ERBB4: variants seen among roughly 807,000 people sequenced by gnomAD.
ERBB4 encodes the protein erb-b2 receptor tyrosine kinase 4, also known as receptor tyrosine-protein kinase erbB-4.
In ERBB4, 42 loss-of-function variants were observed where a neutral mutation model predicts 158.0. The ratio of observed to expected loss-of-function variants is 0.27; its 90% CI spans 0.21 to 0.34. The LOEUF (loss-of-function observed/expected upper bound fraction) is 0.34. Among genes scored for constraint, ERBB4 ranks in the 10% least tolerant of loss-of-function variants. ERBB4 has a pLI of 1.00. For synonymous variants in ERBB4, 583 were observed against 558.7 expected (o/e 1.04, Z -0.61); for missense variants, 1,333 against 1,624.1 (o/e 0.82, Z 3.08).
At chr2:211,901,903 C>T (rs889139255) in intron 3 of ERBB4, among the ~76,000 whole-genome samples, 1 of 152,052 alleles carries the variant, frequency 6.6e-6, no homozygotes, top group African/African-American at 2.4e-5. Context: ...TAAAAAATTG[C>T]AACTCCTTAG....
At chr2:211,612,039 G>T (rs2069220353) in intron 19 of ERBB4, among the ~76,000 whole-genome samples, 1 of 152,074 alleles carries the variant, frequency 6.6e-6, no homozygotes, top group African/African-American at 2.4e-5. Context: ...TGTTTCATCT[G>T]GCACTCTAAA....
intron 20 of ERBB4, among the ~76,000 whole-genome samples, chr2:211,486,007 T>C (rs1412506203): frequency 1.3e-5 from 2 of 152,168 alleles, no homozygotes; most frequent in African/African-American, 4.8e-5. Flanking sequence ...CAGTTGTTTT[T>C]ATATTTATGT....
In ERBB4 at chr2:211,424,785, T is replaced by C. The variant is rs528707462; in HGVS notation, c.2720-484A>G. ...TACCTTATGTTACAATAAAGAATTG[T>C]GACTCTCTCTAACTTACACAAAGAA... On this transcript the variant is annotated intron_variant, in intron 22 of 27. Transcript: ENST00000342788. Among the ~76,000 whole-genome samples, 6 of 151,060 alleles carry C rather than the reference T, an allele frequency of 4.0e-5. No homozygotes were observed. The East Asian group carries it at 1.2e-3, about 29-fold the overall frequency.
intron 2 of ERBB4, among the ~76,000 whole-genome samples, chr2:212,115,636 T>G (rs758675243): frequency 6.6e-6 from 1 of 152,100 alleles, no homozygotes; most frequent in East Asian, 1.9e-4. Flanking sequence ...TAGAGTAAAA[T>G]GGATTTGTTA....
chr2:211,592,171 T>C (rs1252472752), intron 19 of ERBB4, among the ~76,000 whole-genome samples: 2 of 129,632 alleles, frequency 1.5e-5, no homozygotes, highest in African/African-American at 5.3e-5. Flanking sequence ...TACAAGCTGC[T>C]AGACGCCCGG....
intron 1 of ERBB4, among the ~76,000 whole-genome samples, chr2:212,407,495 T>C (rs1027278740): frequency 6.6e-5 from 10 of 152,212 alleles, no homozygotes; most frequent in African/African-American, 2.4e-4. Flanking sequence ...AGCCAGGGTT[T>C]GATCCCAAGC....
At chr2:211,746,393 T>G (rs1053955201) in intron 5 of ERBB4, among the ~76,000 whole-genome samples, 1 of 152,230 alleles carries the variant, frequency 6.6e-6, no homozygotes, top group African/African-American at 2.4e-5. Flanking sequence ...AAGCCAATTT[T>G]GGATTACAGT....
chr2:211,480,847 A>C (rs555821087), intron 20 of ERBB4, among the ~76,000 whole-genome samples: 5 of 152,212 alleles, frequency 3.3e-5, no homozygotes, highest in Non-Finnish European at 4.4e-5. Flanking sequence ...ACAAGGTAAC[A>C]TATCATTCTC....
intron 5 of ERBB4, among the ~76,000 whole-genome samples, chr2:211,748,848 T>C (rs1460012969): frequency 6.6e-6 from 1 of 152,220 alleles, no homozygotes; most frequent in Non-Finnish European, 1.5e-5. Flanking sequence ...CACAAACTGT[T>C]GCAGATTTTT....
intron 2 of ERBB4, among the ~76,000 whole-genome samples, chr2:212,046,049 C>T (rs1157804627): frequency 1.3e-5 from 2 of 152,172 alleles, no homozygotes; most frequent in African/African-American, 4.8e-5. Flanking sequence ...CACCATTTGC[C>T]TCTGAAGATG....
intron 3 of ERBB4, among the ~76,000 whole-genome samples, chr2:211,938,050 C>T (rs1459747933): frequency 6.6e-6 from 1 of 151,906 alleles, no homozygotes; most frequent in Non-Finnish European, 1.5e-5. Context: ...TGGTTAAGGC[C>T]CAAATCAAAA....
chr2:212,165,357 T>C (rs13407926), intron 1 of ERBB4, among the ~76,000 whole-genome samples: 2,019 of 151,978 alleles, frequency 0.013, 35 homozygotes, highest in African/African-American at 0.046. Context: ...CCGTAAATTC[T>C]ACATCAGAGG....
At chr2:212,486,899 A>G (rs1389917047) in intron 1 of ERBB4, among the ~76,000 whole-genome samples, 4 of 150,802 alleles carry the variant, frequency 2.7e-5, no homozygotes, top group African/African-American at 9.8e-5. Context: ...TAATACATTT[A>G]TAATTAGCTT....
chr2:211,944,195 A>AG (rs1358624462), intron 3 of ERBB4, among the ~76,000 whole-genome samples: 2,167 of 45,406 alleles, frequency 0.048, 113 homozygotes, highest in Non-Finnish European at 0.068. Flanking sequence ...ATATATATAT[A>AG]TATACTATAT....
At chr2:211,956,344 C>T (rs552090770) in intron 2 of ERBB4, among the ~76,000 whole-genome samples, 42 of 152,126 alleles carry the variant, frequency 2.8e-4, no homozygotes, top group African/African-American at 8.4e-4. Context: ...TATTAGTTTT[C>T]GGCACTTTCG....
intron 20 of ERBB4, among the ~76,000 whole-genome samples, chr2:211,464,179 T>C (rs2064612608): frequency 6.6e-6 from 1 of 152,200 alleles, no homozygotes; most frequent in Non-Finnish European, 1.5e-5. Context: ...ATTTCTCTAA[T>C]AGAAGATAAG....
chr2:211,858,906 C>T (rs932759809), intron 3 of ERBB4, among the ~76,000 whole-genome samples: 1 of 152,070 alleles, frequency 6.6e-6, no homozygotes, highest in East Asian at 1.9e-4. Context: ...CTTAGCCTCC[C>T]GAGTAGCTGG....
chr2:211,621,909 C>T (rs1007480509), intron 18 of ERBB4, among the ~76,000 whole-genome samples: 1 of 152,056 alleles, frequency 6.6e-6, no homozygotes, highest in African/African-American at 2.4e-5. Context: ...TCCTATGGTT[C>T]AGCACAGAAG....
chr2:212,419,787 T>C (rs1040552508), intron 1 of ERBB4, among the ~76,000 whole-genome samples: 1 of 151,938 alleles, frequency 6.6e-6, no homozygotes, highest in Non-Finnish European at 1.5e-5. Flanking sequence ...TAGAACTGAA[T>C]TAACGTCCTA....
Sources: gnomAD v4.1 joint callset for allele counts (sites outside exome capture counted in the v4.1 genomes callset) on GRCh38, gnomAD v4.1.1 for gene constraint, MANE v1.5 for transcripts, NCBI Gene and HGNC (gene_info 2026-07-23, HGNC 2026-07-21) for gene names.